Variants in DAB1 observed in about 807,000 individuals in gnomAD.
The protein encoded by DAB1 is DAB adaptor protein 1.
In DAB1, 15 loss-of-function variants were observed where a neutral mutation model predicts 64.6. That is an observed-to-expected ratio of 0.23 (90% CI 0.16 to 0.36). The LOEUF (loss-of-function observed/expected upper bound fraction) is 0.36, where lower values mean the gene tolerates loss of function less well. Ranked by LOEUF, DAB1 falls within the 10% of genes least tolerant of loss-of-function variation. The pLI is 1.00. For missense variants in DAB1, 596 were observed against 706.7 expected (o/e 0.84, Z 1.78); for synonymous variants, 235 against 251.9 (o/e 0.93, Z 0.64).
At chr1:57,748,911 C>A (rs575767028) in intron 6 of DAB1, among the ~76,000 whole-genome samples, 6 of 152,284 alleles carry the variant, frequency 3.9e-5, no homozygotes, top group Admixed American at 1.3e-4. Flanking sequence ...AAGGGCAAAT[C>A]TTTTCATGTG....
chr1:57,005,897 T>C (rs1264563636), intron 14 of DAB1, among the ~76,000 whole-genome samples: 1 of 152,180 alleles, frequency 6.6e-6, no homozygotes, highest in Non-Finnish European at 1.5e-5. Flanking sequence ...AATTTTAAAA[T>C]ATATCTTATT....
intron 5 of DAB1, among the ~76,000 whole-genome samples, chr1:57,996,559 C>A (rs917252027): frequency 1.3e-5 from 2 of 152,088 alleles, no homozygotes; most frequent in Non-Finnish European, 2.9e-5. Context: ...TTGATCCTTT[C>A]TGGTTTATCT....
At chr1:57,508,245 T>C (rs533631118) in intron 7 of DAB1, among the ~76,000 whole-genome samples, 134 of 152,264 alleles carry the variant, frequency 8.8e-4, no homozygotes, top group African/African-American at 3.0e-3. Context: ...TCCATTTCCA[T>C]CTCTCAAAAT....
chr1:57,802,536 T>C (rs924442862), intron 6 of DAB1, among the ~76,000 whole-genome samples: 4 of 152,196 alleles, frequency 2.6e-5, no homozygotes, highest in African/African-American at 9.6e-5. Flanking sequence ...TTTGGAATTG[T>C]GTCCCTGCCC....
intron 1 of DAB1, among the ~76,000 whole-genome samples, chr1:57,845,976 A>T (rs1309663261): frequency 6.6e-6 from 1 of 152,144 alleles, no homozygotes; most frequent in African/African-American, 2.4e-5. Context: ...CTTTGCAAGG[A>T]AGGCCAATAT....
At chr1:57,603,547 G>T (rs907251450) in intron 7 of DAB1, among the ~76,000 whole-genome samples, 3 of 152,156 alleles carry the variant, frequency 2.0e-5, no homozygotes, top group Non-Finnish European at 4.4e-5. Flanking sequence ...AGGCATTAAG[G>T]TGTCCCACAA....
At chr1:57,235,117 G>T (rs1395153648) in intron 2 of DAB1, among the ~76,000 whole-genome samples, 1 of 152,158 alleles carries the variant, frequency 6.6e-6, no homozygotes, top group Non-Finnish European at 1.5e-5. Flanking sequence ...CCATTTGGGG[G>T]CCATTTGGAA....
chr1:58,279,778 C>T (rs1260567855), intron 4 of DAB1, among the ~76,000 whole-genome samples: 2 of 152,090 alleles, frequency 1.3e-5, no homozygotes, highest in African/African-American at 2.4e-5. Context: ...TAGATATTGT[C>T]ACCAAAGATG....
intron 3 of DAB1, among the ~76,000 whole-genome samples, chr1:58,358,832 T>C (rs7531064): frequency 0.1 from 15,677 of 151,710 alleles, 893 homozygotes; most frequent in Middle Eastern, 0.17. Flanking sequence ...TCTTTCTGTC[T>C]TTCTCTCTCA....
chr1:58,176,964 G>A (rs1200815595), intron 4 of DAB1, among the ~76,000 whole-genome samples: 1 of 148,860 alleles, frequency 6.7e-6, no homozygotes, highest in East Asian at 2.0e-4. Context: ...GGGTGACGGA[G>A]AGAGACTGTC....
chr1:57,273,557 T>TG (rs1671194340), intron 2 of DAB1, among the ~76,000 whole-genome samples: 5 of 98,566 alleles, frequency 5.1e-5, no homozygotes, highest in African/African-American at 7.7e-5. Context: ...CTGCCTGCCT[T>TG]CCTTCCTTCC....
intron 5 of DAB1, among the ~76,000 whole-genome samples, chr1:58,127,763 T>C (rs1258441603): frequency 6.6e-6 from 1 of 151,620 alleles, no homozygotes; most frequent in South Asian, 2.1e-4. Context: ...AAAGATCACA[T>C]AGTTGTAGAT....
intron 2 of DAB1, among the ~76,000 whole-genome samples, chr1:58,520,983 C>T (rs1347222127): frequency 6.6e-6 from 1 of 152,098 alleles, no homozygotes; most frequent in Non-Finnish European, 1.5e-5. Flanking sequence ...GAACACCACC[C>T]GCAATGGCAG....
At chr1:58,493,480 CCT>C (rs1250784341) in intron 3 of DAB1, among the ~76,000 whole-genome samples, 1 of 151,400 alleles carries the variant, frequency 6.6e-6, no homozygotes, top group Non-Finnish European at 1.5e-5. Context: ...TCAAATTGTC[CCT>C]GTTTGCAGAT....
At chr1:58,303,045 C>G (rs1482987849) in intron 4 of DAB1, among the ~76,000 whole-genome samples, 2 of 152,182 alleles carry the variant, frequency 1.3e-5, no homozygotes, top group Admixed American at 6.5e-5. Flanking sequence ...TCCTTACCAA[C>G]TGGCTTTCAG....
chr1:57,132,326 T>C (rs1657712512), intron 4 of DAB1, among the ~76,000 whole-genome samples: 1 of 152,198 alleles, frequency 6.6e-6, no homozygotes, highest in South Asian at 2.1e-4. Flanking sequence ...TATCCCAGTA[T>C]CTTGGCAGCT....
chr1:57,704,370 C>T (rs1487353301), intron 6 of DAB1, among the ~76,000 whole-genome samples: 2 of 152,136 alleles, frequency 1.3e-5, no homozygotes, highest in African/African-American at 4.8e-5. Flanking sequence ...TCTGATGTAA[C>T]TAATTTAAGG....
chr1:57,723,907 T>C (rs1443829947), intron 6 of DAB1, among the ~76,000 whole-genome samples: 1 of 152,214 alleles, frequency 6.6e-6, no homozygotes, highest in African/African-American at 2.4e-5. Flanking sequence ...TTTCAGCTAG[T>C]AGCATTTCAT....
intron 3 of DAB1, among the ~76,000 whole-genome samples, chr1:58,466,185 G>T (rs338247): frequency 6.6e-6 from 1 of 151,890 alleles, no homozygotes; most frequent in Admixed American, 6.5e-5. Flanking sequence ...TCCTGGAGAC[G>T]TGGGACTCCT....
Sources: allele counts gnomAD v4.1 joint callset (sites outside exome capture counted in the v4.1 genomes callset), GRCh38; gene constraint gnomAD v4.1.1; transcripts MANE v1.5; gene names NCBI Gene and HGNC (gene_info 2026-07-23, HGNC 2026-07-21).